PLXDC2: variants seen among roughly 807,000 people sequenced by gnomAD.
PLXDC2 encodes plexin domain-containing protein 2.
PLXDC2 carries 40 observed loss-of-function variants against 68.9 expected under a neutral mutation model. The ratio of observed to expected loss-of-function variants is 0.58; its 90% CI spans 0.45 to 0.76. The LOEUF (loss-of-function observed/expected upper bound fraction) is 0.76, where lower values mean the gene tolerates loss of function less well. Among genes scored for constraint, PLXDC2 ranks in the 30% least tolerant of loss-of-function variants. The probability of loss-of-function intolerance (pLI) is 0.00; values close to 1 mark genes in which losing one functional copy is unlikely to be tolerated. For synonymous variants in PLXDC2, 243 were observed against 234.2 expected, an observed-to-expected ratio of 1.04 and a Z score of -0.34; for missense variants, 644 against 661.9, an observed-to-expected ratio of 0.97 and a Z score of 0.30.
At chr10:19,945,135 A>C (rs2131401362) in intron 1 of PLXDC2, among the ~76,000 whole-genome samples, 1 of 152,346 alleles carries the variant, frequency 6.6e-6, no homozygotes, top group South Asian at 2.1e-4. Context: ...ATGTATGAAG[A>C]AACCTTTAAA....
At chr10:20,074,609 C>T (rs1470299912) in intron 4 of PLXDC2, among the ~76,000 whole-genome samples, 1 of 152,012 alleles carries the variant, frequency 6.6e-6, no homozygotes, top group Non-Finnish European at 1.5e-5. Flanking sequence ...ACCAAATCTC[C>T]CTGCTCCTTT....
At chr10:20,186,032 A>G (rs895926101) in intron 9 of PLXDC2, among the ~76,000 whole-genome samples, 2 of 151,964 alleles carry the variant, frequency 1.3e-5, no homozygotes, top group African/African-American at 4.8e-5. Context: ...CTGATTAGTA[A>G]TATTCTGATA....
At chr10:20,052,965 T>C (rs373028208) in intron 3 of PLXDC2, among the ~76,000 whole-genome samples, 12 of 152,204 alleles carry the variant, frequency 7.9e-5, no homozygotes, top group African/African-American at 2.4e-4. Flanking sequence ...TTTCCCTCTT[T>C]ACCATCACTG....
At chr10:20,261,330 A>G (rs1313137700) in intron 13 of PLXDC2, among the ~76,000 whole-genome samples, 2 of 152,138 alleles carry the variant, frequency 1.3e-5, no homozygotes, top group Non-Finnish European at 2.9e-5. Context: ...CAGGTCTTGT[A>G]TGTAGCCTTT....
intron 2 of PLXDC2, among the ~76,000 whole-genome samples, chr10:20,010,780 C>A (rs1209453947): frequency 6.6e-6 from 1 of 152,088 alleles, no homozygotes; most frequent in Admixed American, 6.5e-5. Context: ...ATTTAATCTC[C>A]CCATTCCCCA....
Position 19,903,157 on chromosome 10 carries a change from C to T in PLXDC2, c.112+85966C>T, listed in dbSNP as rs369717161. Among the ~76,000 whole-genome samples, 25 of 151,780 alleles carry T rather than the reference C, an allele frequency of 1.6e-4. No homozygotes were observed. In the East Asian group the frequency reaches 4.9e-3, roughly 29 times the overall value. ...TTCTTTTTTTTTGTTAAGTCCTTTT[C>T]TGGTTTTGGTATTAGGGTGATACTG... On this transcript the variant is annotated intron_variant, in intron 1 of 13. Transcript: ENST00000377252.
chr10:19,844,764 A>G (rs1836974413), intron 1 of PLXDC2, among the ~76,000 whole-genome samples: 1 of 151,084 alleles, frequency 6.6e-6, no homozygotes, highest in Non-Finnish European at 1.5e-5. Context: ...CCTGGCTAAT[A>G]TTTTCATTTT....
At chr10:19,821,709 T>C (rs779408690) in intron 1 of PLXDC2, among the ~76,000 whole-genome samples, 2 of 152,218 alleles carry the variant, frequency 1.3e-5, no homozygotes, top group Non-Finnish European at 2.9e-5. Flanking sequence ...ACTTTGTCCA[T>C]CCCTAGGATA....
chr10:20,271,122 A>T lies in PLXDC2; in HGVS notation c.1474-8581A>T, dbSNP rs575990948. ...GAATCAGAAAAGGGGACCGTTTAAG[A>T]CAAAAAACAGACACACACACACACA... is the stretch of plus-strand genomic sequence containing the variant. On this transcript the variant is annotated intron_variant, in intron 13 of 13. Coordinates refer to ENST00000377252, the MANE Select transcript of PLXDC2 (RefSeq NM_032812.9). Among the ~76,000 whole-genome samples, 6 of 76,074 alleles carry T rather than the reference A, an allele frequency of 7.9e-5. No individual in the cohort carries two copies. In the South Asian group the frequency reaches 1.8e-3, roughly 23 times the overall value. 49.9% of individuals were successfully genotyped at this position (76,074 alleles called of 152,430 possible).
At chr10:20,075,038 C>A (rs186393159) in intron 4 of PLXDC2, among the ~76,000 whole-genome samples, 1 of 152,082 alleles carries the variant, frequency 6.6e-6, no homozygotes, top group East Asian at 1.9e-4. Flanking sequence ...AGATGAATTG[C>A]GTGATGTCTG....
intron 2 of PLXDC2, among the ~76,000 whole-genome samples, chr10:20,027,106 A>G (rs952586502): frequency 2.3e-5 from 3 of 131,226 alleles, no homozygotes; most frequent in Non-Finnish European, 4.7e-5. Flanking sequence ...CTTTTATAAT[A>G]TATTCTAATA....
At chr10:19,941,974 GA>G (rs199597958) in intron 1 of PLXDC2, among the ~76,000 whole-genome samples, 9,173 of 111,622 alleles carry the variant, frequency 0.082, 312 homozygotes, top group African/African-American at 0.096. Flanking sequence ...GACATTTAGA[GA>G]AAAAAAAAAA....
intron 4 of PLXDC2, among the ~76,000 whole-genome samples, chr10:20,073,387 G>C (rs1377859797): frequency 6.6e-6 from 1 of 152,148 alleles, no homozygotes; most frequent in Non-Finnish European, 1.5e-5. Context: ...TTTAAAAATG[G>C]AAAGTTGTTT....
intron 13 of PLXDC2, among the ~76,000 whole-genome samples, chr10:20,249,313 T>G (rs1183766118): frequency 3.9e-5 from 6 of 152,232 alleles, no homozygotes; most frequent in Non-Finnish European, 7.3e-5. Flanking sequence ...ATGAAGACTG[T>G]GTGTTAGTTT....
At chr10:20,092,978 A>T (rs1328630417) in intron 4 of PLXDC2, among the ~76,000 whole-genome samples, 1 of 152,158 alleles carries the variant, frequency 6.6e-6, no homozygotes, top group Non-Finnish European at 1.5e-5. Context: ...CAACCCAGTG[A>T]TACAGATCTT....
intron 2 of PLXDC2, among the ~76,000 whole-genome samples, chr10:20,032,381 GT>G: frequency 6.6e-6 from 1 of 152,160 alleles, no homozygotes; most frequent in East Asian, 1.9e-4. Context: ...ACAGTGTGTG[GT>G]AAGGATATTG....
At chr10:20,009,728 C>G (rs1835079556) in intron 2 of PLXDC2, among the ~76,000 whole-genome samples, 1 of 147,950 alleles carries the variant, frequency 6.8e-6, no homozygotes, top group African/African-American at 2.5e-5. Flanking sequence ...AGCCAGGTGT[C>G]AAGGTCATAC....
intron 2 of PLXDC2, among the ~76,000 whole-genome samples, chr10:20,020,935 G>A (rs1267634682): frequency 6.6e-6 from 1 of 152,174 alleles, no homozygotes; most frequent in Admixed American, 6.5e-5. Context: ...AGGTAGAGGA[G>A]AAGACAAAAA....
intron 1 of PLXDC2, among the ~76,000 whole-genome samples, chr10:19,936,111 G>T (rs1420526308): frequency 6.6e-6 from 1 of 152,108 alleles, no homozygotes; most frequent in East Asian, 1.9e-4. Flanking sequence ...AGTCTAATTT[G>T]CATATAGAAA....
Sources: allele counts gnomAD v4.1 joint callset (sites outside exome capture counted in the v4.1 genomes callset), GRCh38; gene constraint gnomAD v4.1.1; transcripts MANE v1.5; gene names NCBI Gene and HGNC (gene_info 2026-07-23, HGNC 2026-07-21).